GRAMD1B: variants seen among roughly 807,000 people sequenced by gnomAD.
GRAMD1B encodes the protein GRAM domain containing 1B.
Under a neutral mutation model 99.7 loss-of-function variants are expected in GRAMD1B, and 37 were observed. The observed-to-expected ratio is 0.37, with a 90% confidence interval of 0.29 to 0.49. The LOEUF (loss-of-function observed/expected upper bound fraction) is 0.49, where lower values mean the gene tolerates loss of function less well. GRAMD1B is among the 20% of genes least tolerant of loss of function. The pLI, the probability that GRAMD1B is intolerant of heterozygous loss-of-function variation, is 0.98. For synonymous variants in GRAMD1B, 427 were observed against 387.6 expected, an observed-to-expected ratio of 1.10 and a Z score of -1.19; for missense variants, 888 against 1,009.2, an observed-to-expected ratio of 0.88 and a Z score of 1.63.
intron 2 of GRAMD1B, among the ~76,000 whole-genome samples, chr11:123,541,250 AC>A (rs1944492588): frequency 6.6e-6 from 1 of 152,156 alleles, no homozygotes; most frequent in African/African-American, 2.4e-5. Context: ...TACTGGGATT[AC>A]AGGGACTAGC....
intron 1 of GRAMD1B, among the ~76,000 whole-genome samples, chr11:123,394,712 C>G (rs1002720423): frequency 1.3e-5 from 2 of 152,126 alleles, no homozygotes; most frequent in African/African-American, 4.8e-5. Context: ...CTGCTATAAC[C>G]GAATACCACA....
chr11:123,443,557 A>G (rs991023259), intron 1 of GRAMD1B, among the ~76,000 whole-genome samples: 1 of 135,760 alleles, frequency 7.4e-6, no homozygotes, highest in Non-Finnish European at 1.6e-5. Context: ...GGATTCAAAG[A>G]TTTTCTTTTT....
At chr11:123,446,985 G>A (rs1360468360) in intron 1 of GRAMD1B, among the ~76,000 whole-genome samples, 1 of 152,058 alleles carries the variant, frequency 6.6e-6, no homozygotes, top group African/African-American at 2.4e-5. Flanking sequence ...GGCAAGAAAG[G>A]CAGGAAAGGC....
At chr11:123,371,180 C>A (rs1165852750) in intron 1 of GRAMD1B, among the ~76,000 whole-genome samples, 1 of 151,678 alleles carries the variant, frequency 6.6e-6, no homozygotes, top group Admixed American at 6.6e-5. Flanking sequence ...TTTACATGAA[C>A]AAAATATGGA....
intron 2 of GRAMD1B, among the ~76,000 whole-genome samples, chr11:123,552,031 A>C (rs1011006513): frequency 6.6e-6 from 1 of 151,958 alleles, no homozygotes; most frequent in Non-Finnish European, 1.5e-5. Flanking sequence ...CCAGGAATCA[A>C]CTCCATTTCC....
At chr11:123,442,551 C>G (rs982825200) in intron 1 of GRAMD1B, among the ~76,000 whole-genome samples, 3 of 152,194 alleles carry the variant, frequency 2.0e-5, no homozygotes, top group African/African-American at 7.2e-5. Context: ...GGGAGGATCA[C>G]TTGAGGTCCA....
At chr11:123,400,585 C>T (rs1435175146) in intron 1 of GRAMD1B, among the ~76,000 whole-genome samples, 2 of 152,150 alleles carry the variant, frequency 1.3e-5, no homozygotes, top group Non-Finnish European at 2.9e-5. Context: ...GGGACTGTTT[C>T]CTCACCATCT....
intron 4 of GRAMD1B, among the ~76,000 whole-genome samples, chr11:123,589,650 C>A (rs992661284): frequency 2.2e-5 from 3 of 134,126 alleles, no homozygotes; most frequent in Non-Finnish European, 4.6e-5. Context: ...GTAGTAGAGA[C>A]GGGGTTTCAC....
intron 1 of GRAMD1B, among the ~76,000 whole-genome samples, chr11:123,375,790 T>C (rs750598451): frequency 9.2e-4 from 140 of 152,078 alleles, no homozygotes; most frequent in Non-Finnish European, 1.7e-3. Flanking sequence ...TTGTTGAAGG[T>C]TGGAGAATGA....
chr11:123,407,149 G>C (rs1947882634), intron 1 of GRAMD1B, among the ~76,000 whole-genome samples: 1 of 152,148 alleles, frequency 6.6e-6, no homozygotes. Context: ...TGGAATGCTA[G>C]CAATACAAAA....
chr11:123,397,936 T>C (rs535077414), intron 1 of GRAMD1B, among the ~76,000 whole-genome samples: 5 of 152,236 alleles, frequency 3.3e-5, no homozygotes, highest in Non-Finnish European at 7.3e-5. Context: ...TTTTTATTAA[T>C]GAAGAGTATT....
At chr11:123,547,766 G>A (rs1005336953) in intron 2 of GRAMD1B, among the ~76,000 whole-genome samples, 6 of 152,174 alleles carry the variant, frequency 3.9e-5, no homozygotes, top group African/African-American at 1.4e-4. Flanking sequence ...GCCTTGCCGA[G>A]TATGATGCTT....
intron 2 of GRAMD1B, among the ~76,000 whole-genome samples, chr11:123,542,046 T>A (rs1944588226): frequency 6.6e-6 from 1 of 152,232 alleles, no homozygotes; most frequent in Admixed American, 6.5e-5. Context: ...CACTCCCCCA[T>A]ATTTTTCATT....
At chr11:123,467,529 A>C (rs1435434089) in intron 1 of GRAMD1B, among the ~76,000 whole-genome samples, 2 of 151,564 alleles carry the variant, frequency 1.3e-5, no homozygotes, top group Non-Finnish European at 2.9e-5. Context: ...ATAACTGAGA[A>C]TTGGACCACA....
At chr11:123,580,306 A>G (rs1949210344) in intron 3 of GRAMD1B, among the ~76,000 whole-genome samples, 1 of 152,110 alleles carries the variant, frequency 6.6e-6, no homozygotes, top group African/African-American at 2.4e-5. Context: ...CAAAAAGAGG[A>G]GGTTCTGGTA....
intron 4 of GRAMD1B, among the ~76,000 whole-genome samples, chr11:123,589,558 C>G (rs891574282): frequency 3.3e-5 from 5 of 150,838 alleles, no homozygotes; most frequent in African/African-American, 4.9e-5. Context: ...ATTCTCCTGC[C>G]TCAGCCTCCT....
At chr11:123,501,531 C>G (rs530292247) in intron 2 of GRAMD1B, among the ~76,000 whole-genome samples, 1 of 152,258 alleles carries the variant, frequency 6.6e-6, no homozygotes, top group Admixed American at 6.5e-5. Flanking sequence ...ACATGATTAT[C>G]AAGGCACTGG....
At position 123,548,416 on chromosome 11, in the gene GRAMD1B, C is replaced by T. The variant is rs1024344686; in HGVS notation, c.453-28951C>T. On this transcript the variant is annotated intron_variant, in intron 2 of 19. Transcript: ENST00000635736. ...GACAGGACCTGGCAACCTCTCAAAG[C>T]AGTGTGGGCACAACTGCAGAAAGCC... is the stretch of plus-strand genomic sequence containing the variant. Among the ~76,000 whole-genome samples, 5 of 149,184 alleles carry T rather than the reference C, an allele frequency of 3.4e-5. No homozygotes were observed. In the Admixed American group the frequency reaches 3.4e-4, roughly 10 times the overall value.
intron 1 of GRAMD1B, among the ~76,000 whole-genome samples, chr11:123,462,045 C>T (rs565317250): frequency 5.0e-4 from 75 of 149,598 alleles, no homozygotes; most frequent in Non-Finnish European, 9.4e-4. Flanking sequence ...TGGCTCACTG[C>T]AAGGTCCACC....
Sources: allele counts gnomAD v4.1 joint callset (sites outside exome capture counted in the v4.1 genomes callset), GRCh38; gene constraint gnomAD v4.1.1; transcripts MANE v1.5; gene names NCBI Gene and HGNC (gene_info 2026-07-23, HGNC 2026-07-21).